CDH13: variants seen among roughly 807,000 people sequenced by gnomAD.
The protein encoded by CDH13 is cadherin 13.
A neutral mutation model predicts 63.8 loss-of-function variants in CDH13; 24 were observed. The ratio of observed to expected loss-of-function variants is 0.38; its 90% confidence interval spans 0.27 to 0.53. CDH13 has a LOEUF of 0.53. Among genes scored for constraint, CDH13 ranks in the 20% least tolerant of loss-of-function variants. CDH13 has a pLI of 0.85. For synonymous variants in CDH13, 503 were observed against 355.3 expected, an observed-to-expected ratio of 1.42 and a Z score of -4.67; for missense variants, 1,049 against 903.1, an observed-to-expected ratio of 1.16 and a Z score of -2.07.
intron 1 of CDH13, among the ~76,000 whole-genome samples, chr16:82,718,868 G>A (rs909965250): frequency 6.6e-6 from 1 of 152,120 alleles, no homozygotes; most frequent in African/African-American, 2.4e-5. Context: ...TTTGGATGGG[G>A]ACACAGCTAA....
At chr16:83,698,846 C>T (rs182458425) in intron 10 of CDH13, among the ~76,000 whole-genome samples, 106 of 152,350 alleles carry the variant, frequency 7.0e-4, no homozygotes, top group African/African-American at 2.4e-3. Context: ...CTACTCAACT[C>T]GACCATCGTA....
At chr16:83,386,616 C>T (rs547132295) in intron 6 of CDH13, among the ~76,000 whole-genome samples, 1 of 152,166 alleles carries the variant, frequency 6.6e-6, no homozygotes, top group South Asian at 2.1e-4. Context: ...AAATGTGCTA[C>T]CCTTGCTAGT....
At chr16:83,311,387 A>G (rs2089997054) in intron 5 of CDH13, among the ~76,000 whole-genome samples, 1 of 152,234 alleles carries the variant, frequency 6.6e-6, no homozygotes, top group African/African-American at 2.4e-5. Context: ...GAGCCCAGCT[A>G]CACATATGTA....
chr16:82,711,945 G>C (rs551746646), intron 1 of CDH13, among the ~76,000 whole-genome samples: 92 of 152,282 alleles, frequency 6.0e-4, no homozygotes, highest in African/African-American at 2.0e-3. Flanking sequence ...ACATCACACA[G>C]CTACTAGGCA....
intron 1 of CDH13, among the ~76,000 whole-genome samples, chr16:82,854,180 A>T (rs945864646): frequency 1.3e-5 from 2 of 152,120 alleles, no homozygotes; most frequent in African/African-American, 2.4e-5. Flanking sequence ...CAGGCGGATC[A>T]CGAGGTCAGG....
chr16:83,235,017 A>C (rs1430251963), intron 5 of CDH13, among the ~76,000 whole-genome samples: 1 of 152,166 alleles, frequency 6.6e-6, no homozygotes, highest in Non-Finnish European at 1.5e-5. Context: ...GGCAACATAG[A>C]GATTCCATCT....
intron 6 of CDH13, among the ~76,000 whole-genome samples, chr16:83,370,433 T>C (rs1300519860): frequency 6.6e-6 from 1 of 152,134 alleles, no homozygotes; most frequent in Non-Finnish European, 1.5e-5. Flanking sequence ...TATCTTCTTT[T>C]TATTCTTCCT....
At chr16:82,966,099 G>A (rs1049010642) in intron 2 of CDH13, among the ~76,000 whole-genome samples, 2 of 152,126 alleles carry the variant, frequency 1.3e-5, no homozygotes, top group African/African-American at 2.4e-5. Flanking sequence ...TAGTAACTAC[G>A]TTGTCTTTAC....
In CDH13 at chr16:83,460,840, A is replaced by AT. The variant is rs1246631382; in HGVS notation, c.782-25635dup. On this transcript the variant is annotated intron_variant, in intron 6 of 13. Coordinates refer to ENST00000567109, the MANE Select transcript of CDH13 (RefSeq NM_001257.5). ...TAGCGAGATGTTGTCTCTACAAATA[A>AT]TTAAAAAAAAAAAAAAAGTTGGGCA... 6.8e-4 allele frequency among the ~76,000 whole-genome samples: 13 copies of AT among 19,244 alleles called. No individual in the cohort carries two copies. In the East Asian group the frequency reaches 0.016, roughly 23 times the overall value. 12.6% of individuals were successfully genotyped at this position (19,244 alleles called of 152,430 possible). A position where few individuals can be genotyped will look rare whatever the true frequency, so the allele number is the denominator to read the frequency against.
intron 2 of CDH13, among the ~76,000 whole-genome samples, chr16:82,865,840 A>C (rs1250542572): frequency 6.6e-6 from 1 of 152,178 alleles, no homozygotes; most frequent in Non-Finnish European, 1.5e-5. Context: ...TCAGGCTGCA[A>C]ATTTTCCAAA....
intron 10 of CDH13, among the ~76,000 whole-genome samples, chr16:83,697,779 C>G (rs905825905): frequency 1.3e-5 from 2 of 152,204 alleles, no homozygotes; most frequent in Non-Finnish European, 2.9e-5. Context: ...TCCTGAGTAG[C>G]TGGGATTACA....
At chr16:83,451,843 T>C (rs1025187379) in intron 6 of CDH13, among the ~76,000 whole-genome samples, 2 of 152,262 alleles carry the variant, frequency 1.3e-5, no homozygotes, top group Non-Finnish European at 2.9e-5. Context: ...ACTGAAATAT[T>C]CTTCCTCCTA....
intron 6 of CDH13, among the ~76,000 whole-genome samples, chr16:83,464,211 CACT>C (rs10544869): frequency 0.069 from 10,447 of 152,080 alleles, 415 homozygotes; most frequent in African/African-American, 0.11. Flanking sequence ...AGGCACACAC[CACT>C]ATGTCCGGCT....
intron 5 of CDH13, among the ~76,000 whole-genome samples, chr16:83,244,726 A>G (rs960989089): frequency 6.6e-6 from 1 of 152,212 alleles, no homozygotes; most frequent in Non-Finnish European, 1.5e-5. Flanking sequence ...GGCAATGACC[A>G]ACAGAAACCA....
At chr16:82,649,548 A>G (rs753190993) in intron 1 of CDH13, among the ~76,000 whole-genome samples, 1 of 152,214 alleles carries the variant, frequency 6.6e-6, no homozygotes, top group Non-Finnish European at 1.5e-5. Context: ...AGTGGGCTTA[A>G]GCAGCATGGG....
intron 1 of CDH13, among the ~76,000 whole-genome samples, chr16:82,782,919 C>G (rs1226382069): frequency 1.3e-5 from 2 of 152,138 alleles, no homozygotes; most frequent in African/African-American, 2.4e-5. Flanking sequence ...AATGCAACAG[C>G]TGTTACTAGG....
At chr16:83,496,748 C>A (rs987547582) in intron 7 of CDH13, among the ~76,000 whole-genome samples, 3 of 152,108 alleles carry the variant, frequency 2.0e-5, no homozygotes, top group Non-Finnish European at 2.9e-5. Flanking sequence ...GGAAAATTTT[C>A]GCAACATACT....
chr16:82,845,486 A>G (rs937535319), intron 1 of CDH13, among the ~76,000 whole-genome samples: 1 of 152,180 alleles, frequency 6.6e-6, no homozygotes, highest in Non-Finnish European at 1.5e-5. Flanking sequence ...TGGCTGAGGT[A>G]TTGGCTGCAG....
In CDH13 at chr16:82,978,202, C is replaced by G. The variant is rs907413233; in HGVS notation, c.158-53808C>G. ...ATTCAGTTTTATGTATTCATAAAGACATGGTTTGGAATTGGAACTTATGTT... is the reference window on the plus strand; with the variant it reads ...ATTCAGTTTTATGTATTCATAAAGAGATGGTTTGGAATTGGAACTTATGTT... On this transcript the variant is annotated intron_variant, in intron 2 of 13. Transcript: ENST00000567109. 4.6e-5 allele frequency among the ~76,000 whole-genome samples: 7 copies of G among 152,264 alleles called. 1 individual carries two copies. Among genetic ancestry groups the G allele is most frequent in the Non-Finnish European group, 8.8e-5 (6 of 68,024 alleles).
Sources: gnomAD v4.1 joint callset for allele counts (sites outside exome capture counted in the v4.1 genomes callset) on GRCh38, gnomAD v4.1.1 for gene constraint, MANE v1.5 for transcripts, NCBI Gene and HGNC (gene_info 2026-07-23, HGNC 2026-07-21) for gene names.